Variants in PTPN22 observed in about 807,000 individuals in gnomAD.
PTPN22 encodes protein tyrosine phosphatase non-receptor type 22.
PTPN22 carries 85 observed loss-of-function variants against 103.3 expected under a neutral mutation model. That is an observed-to-expected ratio of 0.82 (90% CI 0.69 to 0.99). PTPN22 has a LOEUF of 0.99. Among genes scored for constraint, PTPN22 ranks in the 50% least tolerant of loss-of-function variants. The probability of loss-of-function intolerance (pLI) is 0.00; values close to 1 mark genes in which losing one functional copy is unlikely to be tolerated. For missense variants in PTPN22, 865 were observed against 936.9 expected, an observed-to-expected ratio of 0.92 and a Z score of 1.00; for synonymous variants, 323 against 310.2, an observed-to-expected ratio of 1.04 and a Z score of -0.43.
At chr1:113,861,476 G>A (rs1665589543) in intron 1 of PTPN22, among the ~76,000 whole-genome samples, 1 of 151,968 alleles carries the variant, frequency 6.6e-6, no homozygotes, top group Admixed American at 6.6e-5. Context: ...TCCTGACCTC[G>A]TGATCTGCCC....
In PTPN22 at chr1:113,830,037, A is replaced by G. The variant is rs1662422548; in HGVS notation, c.2054-8T>C. 2 of 1,571,802 alleles carry G rather than the reference A, an allele frequency of 1.3e-6. No individual in the cohort carries two copies. Among genetic ancestry groups the G allele is most frequent in the East Asian group, 2.2e-5 (1 of 44,514 alleles). On this transcript the variant is annotated splice_polypyrimidine_tract_variant and splice_region_variant and intron_variant, in intron 16 of 20. Transcript: ENST00000359785. ...AACGATCTTGATGTAGTTCTGTGAT[A>G]AGAAAGTATACAATAAACCAGAGAA...
chr1:113,845,640 C>T (rs1663995091), intron 11 of PTPN22, among the ~76,000 whole-genome samples: 1 of 152,100 alleles, frequency 6.6e-6, no homozygotes, highest in Non-Finnish European at 1.5e-5. Flanking sequence ...TAAGTGTCAA[C>T]TAGATTTTGT....
At chr1:113,846,303 CT>C (rs1664042461) in intron 11 of PTPN22, among the ~76,000 whole-genome samples, 2 of 151,798 alleles carry the variant, frequency 1.3e-5, no homozygotes, top group East Asian at 1.9e-4. Flanking sequence ...TTTGTATAGC[CT>C]TTTTTTAGTC....
At chr1:113,857,120 T>A (rs1665151508) in intron 5 of PTPN22, among the ~76,000 whole-genome samples, 1 of 152,224 alleles carries the variant, frequency 6.6e-6, no homozygotes, top group Non-Finnish European at 1.5e-5. Flanking sequence ...CATTCTGACA[T>A]GTAACCAATA....
At chr1:113,840,796 T>C (rs1663479176) in intron 11 of PTPN22, among the ~76,000 whole-genome samples, 1 of 152,184 alleles carries the variant, frequency 6.6e-6, no homozygotes, top group Non-Finnish European at 1.5e-5. Flanking sequence ...ACCAATGGAA[T>C]AGAAGAGCTT....
chr1:113,826,286 A>G (rs1051896501), intron 18 of PTPN22, among the ~76,000 whole-genome samples: 1 of 152,132 alleles, frequency 6.6e-6, no homozygotes, highest in African/African-American at 2.4e-5. Flanking sequence ...TCAAGGCTGC[A>G]GTCAGCCATA....
upstream of PTPN22, chr1:113,871,759 C>T: frequency 4.3e-6 from 3 of 705,844 alleles, no homozygotes; most frequent in Non-Finnish European, 7.4e-6. Context: ...TTACTGACTT[C>T]ATCACAAGCC....
chr1:113,837,322 C>T (rs577481871), intron 13 of PTPN22, among the ~76,000 whole-genome samples: 7 of 151,334 alleles, frequency 4.6e-5, no homozygotes, highest in Admixed American at 6.6e-5. Context: ...TGGTGGCGCG[C>T]GCCTGTAATC....
At chr1:113,834,284 G>T in intron 15 of PTPN22, 25 bp downstream of exon 15, 1 of 1,607,424 alleles carries the variant, frequency 6.2e-7, no homozygotes, top group Non-Finnish European at 8.5e-7. Flanking sequence ...ATCTAAATGA[G>T]TAGAGTCATT....
chr1:113,856,799 A>T lies in PTPN22; in HGVS notation c.409-180T>A, dbSNP rs138995898. The T allele has an allele frequency of 3.8e-4, 268 of 711,778 alleles. 2 individuals carry two copies. The East Asian group carries it at 6.0e-3, about 16-fold the overall frequency. 44.1% of individuals were successfully genotyped at this position (711,778 alleles called of 1,614,324 possible). A position where few individuals can be genotyped will look rare whatever the true frequency, so the allele number is the denominator to read the frequency against. On this transcript the variant is annotated intron_variant, in intron 5 of 20. Coordinates refer to ENST00000359785, the Ensembl canonical transcript of PTPN22. ...AAGATGGGAAAACAAACATTAAAGG[A>T]TATATAAATTACAGACTTCCTGGGA...
chr1:113,824,258 C>T (rs997891810), intron 19 of PTPN22, among the ~76,000 whole-genome samples: 6 of 152,092 alleles, frequency 3.9e-5, no homozygotes, highest in Admixed American at 1.3e-4. Flanking sequence ...CATGCCACCA[C>T]ACCCGGCTAA....
At chr1:113,833,171 A>G in intron 15 of PTPN22, 33 bp from the exon 16 acceptor site, 2 of 1,499,218 alleles carry the variant, frequency 1.3e-6, no homozygotes, top group Non-Finnish European at 1.8e-6. Context: ...AAGTGAAAGA[A>G]GAATATGTAT....
intron 9 of PTPN22, among the ~76,000 whole-genome samples, chr1:113,852,705 C>T (rs190387422): frequency 1.6e-3 from 237 of 152,268 alleles, no homozygotes; most frequent in Non-Finnish European, 2.5e-3. Context: ...AGGTTAGGTG[C>T]ACCTAACCCC....
chr1:113,838,590 T>C (rs1423966352), exon 12 of PTPN22: 1 of 1,613,788 alleles, frequency 6.2e-7, no homozygotes, highest in Admixed American at 1.7e-5. Context: ...AGAGTGTGAT[T>C]TTTCTCAGGA....
At chr1:113,845,985 T>C (rs1664021642) in intron 11 of PTPN22, among the ~76,000 whole-genome samples, 1 of 152,196 alleles carries the variant, frequency 6.6e-6, no homozygotes, top group African/African-American at 2.4e-5. Flanking sequence ...CTTTTTTCCA[T>C]TCCTTTGTTT....
chr1:113,815,651 T>C (rs1477594708), intron 20 of PTPN22, among the ~76,000 whole-genome samples: 1 of 152,104 alleles, frequency 6.6e-6, no homozygotes, highest in East Asian at 1.9e-4. Context: ...ACTTTATGAC[T>C]TTTCTTTTTG....
Position 113,856,230 on chromosome 1 carries a change from C to A in PTPN22, c.540+152G>T, listed in dbSNP as rs1300340318. On this transcript the variant is annotated intron_variant, in intron 7 of 20. Coordinates refer to ENST00000359785, the Ensembl canonical transcript of PTPN22. ...ACAGGTTTTTGCCATGTCGGCCAGG[C>A]TCAAAGTTCTCTTGAATATGAAGAC... 5.1e-6 allele frequency: 6 copies of A among 1,177,960 alleles called. No homozygotes were observed. The East Asian group carries it at 1.4e-4, about 28-fold the overall frequency. The allele number at this position is 1,177,960 out of a possible 1,614,324, so 73.0% of individuals were successfully genotyped here.
At position 113,837,781 on chromosome 1, in the gene PTPN22, C is replaced by T; in HGVS notation, c.1619G>A (p.Trp540Ter). 1.9e-6 allele frequency: 3 copies of T among 1,613,774 alleles called. No homozygotes were observed. The highest frequency in any genetic ancestry group is 2.5e-6 in the Non-Finnish European group (3 of 1,179,798). ...CTTAGAACTGGTACCACTTGGAGGC[C>T]ATGATGAAAAATAAGGATTTTCCAC... The change falls in exon 13 of 21, where the codon TGG becomes TAG. Residue 540 changes from tryptophan (W) to a stop codon, truncating the protein, a stop_gained. Transcript: ENST00000359785. LOFTEE classifies it high-confidence loss of function.
chr1:113,856,299 GC>G, intron 7 of PTPN22, 82 bp downstream of exon 7: 1 of 1,446,144 alleles, frequency 6.9e-7, no homozygotes. Flanking sequence ...ATTGTCTTAT[GC>G]CCAGCCTGAG....
Sources: gnomAD v4.1 joint callset for allele counts (sites outside exome capture counted in the v4.1 genomes callset) on GRCh38, gnomAD v4.1.1 for gene constraint, MANE v1.5 for transcripts, NCBI Gene and HGNC (gene_info 2026-07-23, HGNC 2026-07-21) for gene names.